Variants in NDST3 observed in about 807,000 individuals in gnomAD.
NDST3 encodes the protein bifunctional heparan sulfate N-deacetylase/N-sulfotransferase 3.
A neutral mutation model predicts 96.1 loss-of-function variants in NDST3; 58 were observed. The ratio of observed to expected loss-of-function variants is 0.60; its 90% CI spans 0.49 to 0.75. The LOEUF (loss-of-function observed/expected upper bound fraction) is 0.75. Among genes scored for constraint, NDST3 ranks in the 30% least tolerant of loss-of-function variants. The pLI, the probability that NDST3 is intolerant of heterozygous loss-of-function variation, is 0.00. For synonymous variants in NDST3, 333 were observed against 359.7 expected (o/e 0.93, Z 0.84); for missense variants, 788 against 1,034.2 (o/e 0.76, Z 3.27).
intron 6 of NDST3, among the ~76,000 whole-genome samples, chr4:118,223,079 T>A (rs538352248): frequency 3.3e-5 from 5 of 152,038 alleles, no homozygotes; most frequent in Admixed American, 1.3e-4. Flanking sequence ...TTTAAAAAAA[T>A]TTTTAGGAGA....
intron 6 of NDST3, among the ~76,000 whole-genome samples, chr4:118,208,514 G>T (rs7689157): frequency 0.42 from 59,725 of 143,002 alleles, 17,306 homozygotes; most frequent in East Asian, 0.55. Flanking sequence ...CTACTTCACT[G>T]AGGTTATCTT....
At chr4:118,194,049 A>G (rs944608784) in intron 6 of NDST3, 58 of 1,437,920 alleles carry the variant, frequency 4.0e-5, no homozygotes, top group Non-Finnish European at 5.0e-5. Flanking sequence ...TGTAATTCAT[A>G]TTTCAGCTAG....
intron 2 of NDST3, among the ~76,000 whole-genome samples, chr4:118,075,040 A>C (rs1727397475): frequency 1.3e-5 from 2 of 152,000 alleles, no homozygotes; most frequent in African/African-American, 4.8e-5. Flanking sequence ...TCTTAATGCT[A>C]TCCCTTCCCC....
intron 4 of NDST3, among the ~76,000 whole-genome samples, chr4:118,137,505 A>G (rs887098415): frequency 1.3e-5 from 2 of 152,170 alleles, no homozygotes; most frequent in Non-Finnish European, 2.9e-5. Flanking sequence ...ACATTATCCA[A>G]TCAAAAGTGT....
chr4:118,123,865 T>C (rs1420242477), intron 4 of NDST3, among the ~76,000 whole-genome samples: 2 of 152,142 alleles, frequency 1.3e-5, no homozygotes, highest in Non-Finnish European at 2.9e-5. Context: ...AATATTTCTT[T>C]TCTTAAAGGT....
chr4:118,151,037 C>T (rs1734356629), intron 6 of NDST3, among the ~76,000 whole-genome samples: 1 of 151,934 alleles, frequency 6.6e-6, no homozygotes, highest in Admixed American at 6.6e-5. Flanking sequence ...CACATATACA[C>T]CATGGAATAC....
chr4:118,077,469 G>T (rs1727642986), intron 2 of NDST3, among the ~76,000 whole-genome samples: 1 of 152,202 alleles, frequency 6.6e-6, no homozygotes, highest in Non-Finnish European at 1.5e-5. Flanking sequence ...CTCTGTGGTA[G>T]CAGGGGAGAG....
At chr4:118,192,582 G>A (rs1737380459) in intron 6 of NDST3, among the ~76,000 whole-genome samples, 1 of 152,122 alleles carries the variant, frequency 6.6e-6, no homozygotes, top group Admixed American at 6.5e-5. Context: ...TGTCAAAAAT[G>A]AGTTTACTGT....
chr4:118,249,866 G>A (rs187960075), intron 12 of NDST3, among the ~76,000 whole-genome samples: 12 of 151,994 alleles, frequency 7.9e-5, no homozygotes, highest in Admixed American at 3.3e-4. Context: ...ACAGTTGTAC[G>A]TACCACCAGA....
intron 1 of NDST3, among the ~76,000 whole-genome samples, chr4:118,049,342 C>T (rs1724944553): frequency 6.6e-6 from 1 of 151,724 alleles, no homozygotes. Flanking sequence ...CATACCCCCA[C>T]AGCTGGCAGA....
At chr4:118,243,998 C>T (rs1741159251) in intron 12 of NDST3, among the ~76,000 whole-genome samples, 2 of 152,192 alleles carry the variant, frequency 1.3e-5, no homozygotes, top group Non-Finnish European at 2.9e-5. Context: ...GTTGGGGGCT[C>T]AGTGGGTGAA....
chr4:118,170,646 T>C (rs1735879250), intron 6 of NDST3, among the ~76,000 whole-genome samples: 1 of 152,132 alleles, frequency 6.6e-6, no homozygotes, highest in Admixed American at 6.5e-5. Context: ...GAAGAATCGC[T>C]TGAATCCGGG....
At chr4:118,245,728 T>C (rs1181307647) in intron 12 of NDST3, among the ~76,000 whole-genome samples, 1 of 152,184 alleles carries the variant, frequency 6.6e-6, no homozygotes, top group Non-Finnish European at 1.5e-5. Context: ...AATTTCTTAT[T>C]ATAAATTTTT....
chr4:118,041,167 C>A (rs1381353439), intron 1 of NDST3, among the ~76,000 whole-genome samples: 1 of 151,984 alleles, frequency 6.6e-6, no homozygotes, highest in Non-Finnish European at 1.5e-5. Flanking sequence ...CCTACTTGTT[C>A]CTAGCATGGA....
chr4:118,089,363 C>G (rs962993084), intron 2 of NDST3, among the ~76,000 whole-genome samples: 84 of 151,790 alleles, frequency 5.5e-4, no homozygotes, highest in African/African-American at 1.9e-3. Flanking sequence ...AAAACTTTTT[C>G]CATTAAGGAA....
intron 3 of NDST3, among the ~76,000 whole-genome samples, chr4:118,110,997 G>A (rs186154893): frequency 2.0e-5 from 3 of 152,300 alleles, no homozygotes; most frequent in Non-Finnish European, 4.4e-5. Context: ...AAAAAGGAAT[G>A]AAATCATGTC....
chr4:118,064,817 G>A (rs1030298513), intron 2 of NDST3, among the ~76,000 whole-genome samples: 1 of 152,118 alleles, frequency 6.6e-6, no homozygotes, highest in African/African-American at 2.4e-5. Context: ...AGTTCAAGAT[G>A]TCCACAGGGC....
intron 4 of NDST3, among the ~76,000 whole-genome samples, chr4:118,137,073 G>T (rs1056404072): frequency 6.6e-6 from 1 of 152,090 alleles, no homozygotes; most frequent in East Asian, 1.9e-4. Context: ...TTCCATATCA[G>T]TTGGCTGCAT....
intron 3 of NDST3, among the ~76,000 whole-genome samples, chr4:118,114,365 G>A (rs143342759): frequency 8.5e-5 from 13 of 152,182 alleles, no homozygotes; most frequent in East Asian, 1.9e-4. Context: ...GGAGGAACCC[G>A]AATAAAAGAA....
Sources: gnomAD v4.1 joint callset for allele counts (sites outside exome capture counted in the v4.1 genomes callset) on GRCh38, gnomAD v4.1.1 for gene constraint, MANE v1.5 for transcripts, NCBI Gene and HGNC (gene_info 2026-07-23, HGNC 2026-07-21) for gene names.